Variants in CSMD1 observed in about 807,000 individuals in gnomAD.
CSMD1 encodes the protein CUB and Sushi multiple domains 1.
CSMD1 carries 213 observed loss-of-function variants against 417.5 expected under a neutral mutation model. That is an observed-to-expected ratio of 0.51 (90% CI 0.46 to 0.57). The LOEUF is 0.57. Among genes scored for constraint, CSMD1 ranks in the 20% least tolerant of loss-of-function variants. The pLI is 0.00. For missense variants in CSMD1, 6,923 were observed against 4,529.7 expected, an observed-to-expected ratio of 1.53 and a Z score of -15.17; for synonymous variants, 2,862 against 1,736.8, an observed-to-expected ratio of 1.65 and a Z score of -16.11.
intron 3 of CSMD1, among the ~76,000 whole-genome samples, chr8:4,296,857 C>G (rs527802361): frequency 1.3e-5 from 2 of 151,950 alleles, no homozygotes; most frequent in Admixed American, 1.3e-4. Context: ...ATCTCCCAGA[C>G]TTGTCTTAGA....
At chr8:3,615,722 G>T (rs556171205) in intron 8 of CSMD1, among the ~76,000 whole-genome samples, 2 of 151,992 alleles carry the variant, frequency 1.3e-5, no homozygotes, top group African/African-American at 4.8e-5. Flanking sequence ...TCCATTTGTA[G>T]CCCACTTCAG....
At position 4,387,205 on chromosome 8, in the gene CSMD1, C is replaced by G. The variant is rs551158822; in HGVS notation, c.415+32748G>C. On this transcript the variant is annotated intron_variant, in intron 3 of 69. Transcript: ENST00000635120. ...GTGGCTAGGAGGTATCTGAGTGTCA[C>G]TCACTTTGTCTAAACAAATGTAAAT... 3.9e-5 allele frequency among the ~76,000 whole-genome samples: 6 copies of G among 152,286 alleles called. No individual in the cohort carries two copies. In the South Asian group the frequency reaches 1.2e-3, roughly 32 times the overall value.
chr8:4,425,553 A>G (rs1176156671), intron 2 of CSMD1, among the ~76,000 whole-genome samples: 1 of 151,944 alleles, frequency 6.6e-6, no homozygotes, highest in Non-Finnish European at 1.5e-5. Context: ...GGCAAGACTC[A>G]CTCCTTGGTG....
At chr8:4,083,408 G>A (rs1307435618) in intron 3 of CSMD1, among the ~76,000 whole-genome samples, 1 of 152,130 alleles carries the variant, frequency 6.6e-6, no homozygotes, top group Non-Finnish European at 1.5e-5. Context: ...CTGCATAAAT[G>A]TCTTCCGCAT....
chr8:3,490,868 G>C (rs1388451692), intron 11 of CSMD1, among the ~76,000 whole-genome samples: 3 of 151,968 alleles, frequency 2.0e-5, no homozygotes, highest in African/African-American at 4.8e-5. Flanking sequence ...AAAATAAAAA[G>C]AAAAAAATTT....
chr8:4,531,617 C>G (rs1020457232), intron 2 of CSMD1, among the ~76,000 whole-genome samples: 1 of 152,136 alleles, frequency 6.6e-6, no homozygotes, highest in Non-Finnish European at 1.5e-5. Flanking sequence ...CTGCGCTCGT[C>G]AGGCCCTCAT....
chr8:3,474,839 T>C (rs1325471046), intron 11 of CSMD1, among the ~76,000 whole-genome samples: 1 of 152,208 alleles, frequency 6.6e-6, no homozygotes, highest in Non-Finnish European at 1.5e-5. Context: ...TAGTACATAT[T>C]GTTCTGATTT....
At chr8:3,731,334 G>C (rs570926763) in intron 6 of CSMD1, among the ~76,000 whole-genome samples, 1 of 152,320 alleles carries the variant, frequency 6.6e-6, no homozygotes, top group South Asian at 2.1e-4. Flanking sequence ...TTGAAAGAAA[G>C]AGATGGAGGA....
In CSMD1 at chr8:3,142,478, T is replaced by C; in HGVS notation, c.6228A>G (p.Lys2076=). The C allele has an allele frequency of 1.2e-6, 2 of 1,613,564 alleles. No homozygotes were observed. The highest frequency in any genetic ancestry group is 2.2e-5 in the South Asian group (2 of 91,038). The part of the protein sequence containing the change: ...SDHSQNRQGF[K]LAYQAYELQN... Reference sequence around the variant, plus strand: ...GTTGTTCCATACCTTGGTAAGCAAGTTTAAATCCTTGCCGGTTTTGCGAAT... The same window carrying C: ...GTTGTTCCATACCTTGGTAAGCAAGCTTAAATCCTTGCCGGTTTTGCGAAT... Residue 2076 remains lysine, a synonymous_variant, in exon 41 of 70, where the codon AAA becomes AAG. Transcript: ENST00000635120.
At chr8:4,096,265 G>C (rs977448372) in intron 3 of CSMD1, among the ~76,000 whole-genome samples, 1 of 152,056 alleles carries the variant, frequency 6.6e-6, no homozygotes, top group African/African-American at 2.4e-5. Flanking sequence ...GCTCTTGATA[G>C]CAAGCAGGCC....
intron 1 of CSMD1, among the ~76,000 whole-genome samples, chr8:4,922,212 C>A (rs979595951): frequency 2.6e-5 from 4 of 151,988 alleles, no homozygotes; most frequent in Admixed American, 2.6e-4. Context: ...GCATGTCTGT[C>A]TGTGTTTTTT....
chr8:3,177,262 C>T (rs184714472), intron 37 of CSMD1, among the ~76,000 whole-genome samples: 32 of 152,286 alleles, frequency 2.1e-4, no homozygotes, highest in Admixed American at 4.6e-4. Flanking sequence ...GTGTGCCCTT[C>T]CACCCACAGG....
At chr8:2,982,918 G>A (rs1014889962) in intron 54 of CSMD1, among the ~76,000 whole-genome samples, 1 of 152,134 alleles carries the variant, frequency 6.6e-6, no homozygotes, top group African/African-American at 2.4e-5. Flanking sequence ...GCTCTAAGCT[G>A]AAGGGCAGTA....
chr8:4,428,938 T>C (rs1209237815), intron 2 of CSMD1, among the ~76,000 whole-genome samples: 1 of 152,072 alleles, frequency 6.6e-6, no homozygotes, highest in Non-Finnish European at 1.5e-5. Context: ...GGTCTCAGAT[T>C]CCTGACTTGA....
At chr8:3,085,877 G>C (rs1047796772) in intron 49 of CSMD1, among the ~76,000 whole-genome samples, 1 of 152,072 alleles carries the variant, frequency 6.6e-6, no homozygotes, top group Non-Finnish European at 1.5e-5. Context: ...GTCCCTCTCC[G>C]GACCCCTTTG....
At chr8:3,628,654 G>A (rs1313201628) in intron 7 of CSMD1, among the ~76,000 whole-genome samples, 1 of 152,072 alleles carries the variant, frequency 6.6e-6, no homozygotes, top group South Asian at 2.1e-4. Context: ...GGGAGGGCAT[G>A]GGCATCCTCA....
At chr8:3,635,554 G>A (rs1387146871) in intron 7 of CSMD1, among the ~76,000 whole-genome samples, 2 of 147,392 alleles carry the variant, frequency 1.4e-5, no homozygotes, top group African/African-American at 2.5e-5. Context: ...CGCGATCTCA[G>A]CTCACTGCAA....
intron 8 of CSMD1, among the ~76,000 whole-genome samples, chr8:3,591,242 C>A (rs2117025822): frequency 6.6e-6 from 1 of 152,134 alleles, no homozygotes; most frequent in Non-Finnish European, 1.5e-5. Context: ...TTTGACTTTT[C>A]AATTAAATAC....
At chr8:4,165,311 A>G (rs17069194) in intron 3 of CSMD1, among the ~76,000 whole-genome samples, 2,221 of 152,360 alleles carry the variant, frequency 0.015, 131 homozygotes, top group Admixed American at 0.1. Flanking sequence ...TGTGCCGGGT[A>G]TCTCAGCTGT....
Sources: allele counts gnomAD v4.1 joint callset (sites outside exome capture counted in the v4.1 genomes callset), GRCh38; gene constraint gnomAD v4.1.1; transcripts MANE v1.5; gene names NCBI Gene and HGNC (gene_info 2026-07-23, HGNC 2026-07-21).